The following TACR1 variants were observed in gnomAD, a reference collection of about 807,000 sequenced individuals.
TACR1 encodes the protein tachykinin receptor 1.
A neutral mutation model predicts 35.8 loss-of-function variants in TACR1; 25 were observed. The observed-to-expected ratio is 0.70, with a 90% CI of 0.51 to 0.98. The LOEUF is 0.98. Among genes scored for constraint, TACR1 ranks in the 50% least tolerant of loss-of-function variants. The probability of loss-of-function intolerance (pLI) is 0.00; values close to 1 mark genes in which losing one functional copy is unlikely to be tolerated. For missense variants in TACR1, 478 were observed against 522.9 expected, an observed-to-expected ratio of 0.91 and a Z score of 0.84; for synonymous variants, 195 against 206.7, an observed-to-expected ratio of 0.94 and a Z score of 0.48.
At chr2:75,165,011 G>C (rs1057013881) in intron 1 of TACR1, among the ~76,000 whole-genome samples, 1 of 152,212 alleles carries the variant, frequency 6.6e-6, no homozygotes, top group African/African-American at 2.4e-5. Context: ...GATGTGTGGA[G>C]GGGTGGATGC....
intron 1 of TACR1, among the ~76,000 whole-genome samples, chr2:75,127,961 TC>T (rs1674106982): frequency 2.0e-5 from 3 of 152,214 alleles, no homozygotes; most frequent in Non-Finnish European, 4.4e-5. Flanking sequence ...TTAGCTGTCC[TC>T]CCTTATGGAA....
intron 1 of TACR1, among the ~76,000 whole-genome samples, chr2:75,180,287 G>T (rs953284784): frequency 9.2e-5 from 14 of 152,066 alleles, no homozygotes; most frequent in African/African-American, 3.1e-4. Flanking sequence ...GGCTCTTATT[G>T]TTCTTTGTTG....
At chr2:75,161,430 A>G (rs1308308009) in intron 1 of TACR1, among the ~76,000 whole-genome samples, 1 of 152,126 alleles carries the variant, frequency 6.6e-6, no homozygotes, top group Non-Finnish European at 1.5e-5. Flanking sequence ...GAGAGAAAAG[A>G]AAAGGGAATT....
intron 1 of TACR1, among the ~76,000 whole-genome samples, chr2:75,172,255 C>G (rs1460136206): frequency 1.3e-5 from 2 of 152,148 alleles, no homozygotes; most frequent in African/African-American, 4.8e-5. Flanking sequence ...TGGCAGAATC[C>G]TTTCTAGCAT....
intron 2 of TACR1, among the ~76,000 whole-genome samples, chr2:75,065,624 G>A (rs1672749186): frequency 6.7e-6 from 1 of 148,906 alleles, no homozygotes; most frequent in Admixed American, 6.8e-5. Flanking sequence ...CTGGGCTGGG[G>A]TTGGGGGTTG....
chr2:75,054,822 A>G (rs1348927372), intron 2 of TACR1, among the ~76,000 whole-genome samples: 1 of 152,180 alleles, frequency 6.6e-6, no homozygotes, highest in Non-Finnish European at 1.5e-5. Flanking sequence ...GCTAATAATA[A>G]TGCTAATGAT....
chr2:75,088,630 C>A (rs1673234492), intron 2 of TACR1, among the ~76,000 whole-genome samples: 1 of 152,086 alleles, frequency 6.6e-6, no homozygotes, highest in South Asian at 2.1e-4. Flanking sequence ...CAGGTGCTGT[C>A]TGCATGGCAG....
intron 1 of TACR1, among the ~76,000 whole-genome samples, chr2:75,174,125 C>G (rs1360574662): frequency 6.6e-6 from 1 of 152,210 alleles, no homozygotes; most frequent in African/African-American, 2.4e-5. Context: ...GGTCCTTTCT[C>G]TTGATATGAT....
At chr2:75,109,984 C>T (rs537074117) in intron 2 of TACR1, among the ~76,000 whole-genome samples, 1 of 152,252 alleles carries the variant, frequency 6.6e-6, no homozygotes, top group Admixed American at 6.5e-5. Context: ...AGAGATCTGA[C>T]TTTAGATTAA....
At chr2:75,124,981 G>A (rs909528929) in intron 1 of TACR1, among the ~76,000 whole-genome samples, 4 of 152,158 alleles carry the variant, frequency 2.6e-5, no homozygotes, top group Non-Finnish European at 5.9e-5. Context: ...TGGTTCTAAT[G>A]TGAGCACAGT....
chr2:75,167,359 A>G (rs1309683265), intron 1 of TACR1, among the ~76,000 whole-genome samples: 2 of 152,244 alleles, frequency 1.3e-5, no homozygotes, highest in African/African-American at 4.8e-5. Flanking sequence ...CATGGTGTAT[A>G]TAGGAGGGTG....
At chr2:75,094,859 A>ATATATATATATATATTTTTTTT in intron 2 of TACR1, among the ~76,000 whole-genome samples, 66 of 113,026 alleles carry the variant, frequency 5.8e-4, no homozygotes, top group African/African-American at 3.0e-3. Flanking sequence ...ATATATATAT[A>ATATATATATATATATTTTTTTT]TTTTTTTTTT....
chr2:75,094,859 A>ATATATATATATATATATATATATTT, intron 2 of TACR1, among the ~76,000 whole-genome samples: 12 of 113,090 alleles, frequency 1.1e-4, no homozygotes, highest in Admixed American at 2.6e-4. Flanking sequence ...ATATATATAT[A>ATATATATATATATATATATATATTT]TTTTTTTTTT....
chr2:75,193,673 C>A (rs1333721163), intron 1 of TACR1, among the ~76,000 whole-genome samples: 1 of 151,942 alleles, frequency 6.6e-6, no homozygotes, highest in Admixed American at 6.6e-5. Context: ...TAATCAACTT[C>A]TCTAAAAATC....
intron 2 of TACR1, among the ~76,000 whole-genome samples, chr2:75,104,116 GTGCTT>G (rs1237570431): frequency 6.6e-6 from 1 of 151,988 alleles, no homozygotes; most frequent in Admixed American, 6.6e-5. Flanking sequence ...AGGACACAGA[GTGCTT>G]AATGGATTGA....
At position 75,114,866 on chromosome 2, in the gene TACR1, TC is replaced by T. The variant is rs1169700507; in HGVS notation, c.584+5707del. Among the ~76,000 whole-genome samples, 3 of 152,312 alleles carry T rather than the reference TC, an allele frequency of 2.0e-5. No homozygotes were observed. The East Asian group carries it at 5.8e-4, about 29-fold the overall frequency. ...ATATTATATTAATGATGAGCCTAAC[TC>T]CCCATTTTCATGAATGTTATAATGT... On this transcript the variant is annotated intron_variant, in intron 2 of 4. Coordinates refer to ENST00000305249, the MANE Select transcript of TACR1 (RefSeq NM_001058.4).
At chr2:75,146,588 C>A (rs1305808511) in intron 1 of TACR1, among the ~76,000 whole-genome samples, 2 of 152,170 alleles carry the variant, frequency 1.3e-5, no homozygotes, top group Non-Finnish European at 2.9e-5. Context: ...TAATTCATTG[C>A]AGCTGTGGGG....
intron 1 of TACR1, among the ~76,000 whole-genome samples, chr2:75,163,414 C>T (rs188078538): frequency 4.5e-4 from 69 of 152,264 alleles, no homozygotes; most frequent in African/African-American, 1.6e-3. Context: ...AGAGTACAAA[C>T]TCTAAAATAA....
intron 1 of TACR1, among the ~76,000 whole-genome samples, chr2:75,124,725 A>G (rs1454089965): frequency 6.6e-6 from 1 of 152,250 alleles, no homozygotes; most frequent in East Asian, 1.9e-4. Context: ...TGATAATAAC[A>G]TTTTATTTAC....
Sources: allele counts gnomAD v4.1 joint callset (sites outside exome capture counted in the v4.1 genomes callset), GRCh38; gene constraint gnomAD v4.1.1; transcripts MANE v1.5; gene names NCBI Gene and HGNC (gene_info 2026-07-23, HGNC 2026-07-21).